CDH18: variants seen among roughly 807,000 people sequenced by gnomAD.
The protein encoded by CDH18 is cadherin-18.
Under a neutral mutation model 67.9 loss-of-function variants are expected in CDH18, and 31 were observed. That is an observed-to-expected ratio of 0.46 (90% CI 0.34 to 0.62). The LOEUF (loss-of-function observed/expected upper bound fraction) is 0.62, where lower values mean the gene tolerates loss of function less well. Among genes scored for constraint, CDH18 ranks in the 20% least tolerant of loss-of-function variants. The pLI, the probability that CDH18 is intolerant of heterozygous loss-of-function variation, is 0.01. For missense variants in CDH18, 890 were observed against 975.5 expected, an observed-to-expected ratio of 0.91 and a Z score of 1.17; for synonymous variants, 362 against 347.2, an observed-to-expected ratio of 1.04 and a Z score of -0.48.
At chr5:19,716,568 C>T (rs549091046) in intron 5 of CDH18, among the ~76,000 whole-genome samples, 141 of 151,588 alleles carry the variant, frequency 9.3e-4, no homozygotes, top group African/African-American at 3.4e-3. Context: ...TTACTTGATG[C>T]TAAGTGTTCT....
At chr5:20,042,605 A>T (rs550989375) in intron 2 of CDH18, among the ~76,000 whole-genome samples, 3 of 152,318 alleles carry the variant, frequency 2.0e-5, no homozygotes, top group South Asian at 4.1e-4. Context: ...TTCATTAAAT[A>T]ATATTTGATT....
chr5:19,675,452 G>GC (rs1381066758), intron 5 of CDH18, among the ~76,000 whole-genome samples: 2 of 151,966 alleles, frequency 1.3e-5, no homozygotes, highest in African/African-American at 4.8e-5. Flanking sequence ...CATTTCAGAG[G>GC]CCTCCCCTTA....
chr5:20,204,099 C>A (rs1422649884), intron 2 of CDH18, among the ~76,000 whole-genome samples: 2 of 151,986 alleles, frequency 1.3e-5, no homozygotes, highest in Non-Finnish European at 2.9e-5. Flanking sequence ...TCATAGAAAA[C>A]TTCTCAAAAC....
intron 11 of CDH18, among the ~76,000 whole-genome samples, chr5:19,498,585 C>A (rs398748): frequency 0.21 from 32,222 of 152,064 alleles, 3,698 homozygotes; most frequent in African/African-American, 0.28. Context: ...GTTAGTTTCG[C>A]TATCTTCCAT....
At chr5:19,849,641 C>CAT (rs5866401) in intron 2 of CDH18, among the ~76,000 whole-genome samples, 3 of 10,636 alleles carry the variant, frequency 2.8e-4, no homozygotes, top group Admixed American at 1.7e-3. Context: ...TATATACACG[C>CAT]ATATATATAT....
chr5:20,271,382 C>A (rs1745422108), intron 1 of CDH18, among the ~76,000 whole-genome samples: 2 of 151,866 alleles, frequency 1.3e-5, no homozygotes, highest in Admixed American at 1.3e-4. Context: ...CTATAGTCAA[C>A]CATAATATAT....
At chr5:19,884,407 C>T (rs889818591) in intron 2 of CDH18, among the ~76,000 whole-genome samples, 2 of 151,990 alleles carry the variant, frequency 1.3e-5, no homozygotes, top group Admixed American at 1.3e-4. Context: ...TAAATACTGC[C>T]TAACAGAGCA....
At chr5:19,715,648 G>A (rs1202785676) in intron 5 of CDH18, among the ~76,000 whole-genome samples, 1 of 151,788 alleles carries the variant, frequency 6.6e-6, no homozygotes, top group East Asian at 1.9e-4. Flanking sequence ...GAATTTAATC[G>A]CATATAAGTT....
chr5:19,890,596 C>CA (rs2150082256), intron 2 of CDH18, among the ~76,000 whole-genome samples: 1 of 71,256 alleles, frequency 1.4e-5, no homozygotes, highest in East Asian at 3.7e-4. Flanking sequence ...CCCAGAACAC[C>CA]ATTTTTTTTT....
chr5:19,746,623 C>G (rs1305839382), intron 4 of CDH18, among the ~76,000 whole-genome samples: 1 of 152,128 alleles, frequency 6.6e-6, no homozygotes, highest in East Asian at 1.9e-4. Flanking sequence ...TAACAATATA[C>G]ATGTAGAATT....
intron 3 of CDH18, among the ~76,000 whole-genome samples, chr5:19,751,877 G>A (rs910214646): frequency 6.6e-6 from 1 of 152,202 alleles, no homozygotes; most frequent in African/African-American, 2.4e-5. Flanking sequence ...AGAGCAGGAT[G>A]TGGAGGCTCA....
intron 1 of CDH18, among the ~76,000 whole-genome samples, chr5:20,292,357 A>G (rs1747167343): frequency 6.6e-6 from 1 of 152,182 alleles, no homozygotes; most frequent in Non-Finnish European, 1.5e-5. Flanking sequence ...GCTGAAGTAG[A>G]GAAATAAAGG....
intron 2 of CDH18, among the ~76,000 whole-genome samples, chr5:19,895,433 A>C (rs73059663): frequency 2.0e-5 from 3 of 152,158 alleles, no homozygotes; most frequent in Non-Finnish European, 4.4e-5. Flanking sequence ...TTAAAAGAGC[A>C]AAGGGTCTGA....
At chr5:19,728,136 A>G (rs2150615612) in intron 4 of CDH18, among the ~76,000 whole-genome samples, 1 of 152,244 alleles carries the variant, frequency 6.6e-6, no homozygotes, top group East Asian at 1.9e-4. Flanking sequence ...TAGGAATCTA[A>G]TTTTCTCTGG....
In CDH18 at chr5:20,318,486, G is replaced by T. The variant is rs367616931; in HGVS notation, c.-579-62981C>A. Among the ~76,000 whole-genome samples, 6 of 152,236 alleles carry T rather than the reference G, an allele frequency of 3.9e-5. No individual in the cohort carries two copies. In the East Asian group the frequency reaches 5.8e-4, roughly 15 times the overall value. On this transcript the variant is annotated intron_variant, in intron 1 of 14. Coordinates refer to the CDH18 transcript ENST00000507958. Reference sequence around the variant, plus strand: ...TGTGGGAGGTGATGGGATCCTGGGGGTGGGGCTCTCATGAATGGTTTAGTA... The same window carrying T: ...TGTGGGAGGTGATGGGATCCTGGGGTTGGGGCTCTCATGAATGGTTTAGTA...
chr5:20,026,723 C>T (rs1230823514), intron 2 of CDH18, among the ~76,000 whole-genome samples: 1 of 151,950 alleles, frequency 6.6e-6, no homozygotes, highest in East Asian at 1.9e-4. Context: ...AAAATTTAGG[C>T]CAAGGCGGGT....
intron 10 of CDH18, among the ~76,000 whole-genome samples, chr5:19,506,584 G>A (rs1314768601): frequency 6.6e-6 from 1 of 152,222 alleles, no homozygotes; most frequent in South Asian, 2.1e-4. Flanking sequence ...GAACAGAACA[G>A]AGCCCTCAGA....
At chr5:20,203,581 A>AAG (rs57913549) in intron 2 of CDH18, among the ~76,000 whole-genome samples, 86 of 145,506 alleles carry the variant, frequency 5.9e-4, no homozygotes, top group Admixed American at 1.6e-3. Context: ...GTGGAGGGAA[A>AAG]AGAGAGAGAG....
intron 4 of CDH18, among the ~76,000 whole-genome samples, chr5:19,731,037 A>C (rs1767524252): frequency 6.6e-6 from 1 of 152,190 alleles, no homozygotes; most frequent in African/African-American, 2.4e-5. Context: ...AGTGGTTTAC[A>C]TCTTTGATTT....
Sources: gnomAD v4.1 joint callset for allele counts (sites outside exome capture counted in the v4.1 genomes callset) on GRCh38, gnomAD v4.1.1 for gene constraint, MANE v1.5 for transcripts, NCBI Gene and HGNC (gene_info 2026-07-23, HGNC 2026-07-21) for gene names.